Variants in CCNJL observed in about 807,000 individuals in gnomAD.
CCNJL encodes the protein cyclin-J-like protein.
Under a neutral mutation model 33.4 loss-of-function variants are expected in CCNJL, and 33 were observed. The observed-to-expected ratio is 0.99, with a 90% CI of 0.75 to 1.32. CCNJL has a LOEUF of 1.32. CCNJL is among the 40% of genes most tolerant of loss of function. The pLI, the probability that CCNJL is intolerant of heterozygous loss-of-function variation, is 0.00. For synonymous variants in CCNJL, 227 were observed against 220.9 expected (o/e 1.03, Z -0.24); for missense variants, 512 against 499.7 (o/e 1.02, Z -0.23).
chr5:160,304,845 C>T (rs958930412), intron 2 of CCNJL, among the ~76,000 whole-genome samples: 3 of 148,138 alleles, frequency 2.0e-5, no homozygotes, highest in East Asian at 2.0e-4. Flanking sequence ...GAGGAAATCT[C>T]GCTCTGTCAC....
chr5:160,287,470 G>C (rs958892179), intron 2 of CCNJL, among the ~76,000 whole-genome samples: 5 of 152,208 alleles, frequency 3.3e-5, no homozygotes, highest in Non-Finnish European at 5.9e-5. Flanking sequence ...CTTTGTCATG[G>C]AAATAACAAT....
At chr5:160,272,828 C>T (rs189763093) in intron 3 of CCNJL, among the ~76,000 whole-genome samples, 1 of 152,266 alleles carries the variant, frequency 6.6e-6, no homozygotes, top group Admixed American at 6.5e-5. Flanking sequence ...AACAATTCCA[C>T]CTCTGGGAAT....
chr5:160,330,873 G>A (rs181052750), intron 1 of CCNJL, among the ~76,000 whole-genome samples: 13 of 152,118 alleles, frequency 8.5e-5, no homozygotes, highest in Admixed American at 5.9e-4. Flanking sequence ...CATGTTGGCC[G>A]GGCTAGTCTC....
chr5:160,258,204 G>C (rs1428495142), intron 4 of CCNJL: 2 of 563,476 alleles, frequency 3.5e-6, no homozygotes, highest in South Asian at 1.8e-5. Context: ...TGGGATGGTT[G>C]TATCAACAGT....
At chr5:160,277,556 G>A (rs183787466) in intron 3 of CCNJL, among the ~76,000 whole-genome samples, 4 of 152,242 alleles carry the variant, frequency 2.6e-5, no homozygotes, top group Admixed American at 1.3e-4. Context: ...GGTAGGAGAC[G>A]CAAACAATGA....
chr5:160,292,765 A>T (rs1314380598), intron 2 of CCNJL, among the ~76,000 whole-genome samples: 1 of 152,166 alleles, frequency 6.6e-6, no homozygotes, highest in African/African-American at 2.4e-5. Context: ...CAGACACTGC[A>T]TTCCATGCAT....
At chr5:160,309,473 T>C (rs376141377) in intron 2 of CCNJL, among the ~76,000 whole-genome samples, 115 of 152,350 alleles carry the variant, frequency 7.5e-4, no homozygotes, top group African/African-American at 2.6e-3. Context: ...TCAGGCAACA[T>C]TCAACTAAGA....
chr5:160,256,109 G>A lies in CCNJL; in HGVS notation c.584-401C>T, dbSNP rs111811398. 8.2e-3 allele frequency among the ~76,000 whole-genome samples: 1,253 copies of A among 152,136 alleles called. 16 individuals are homozygous for A. Among genetic ancestry groups the A allele is most frequent in the African/African-American group, 0.028 (1,170 of 41,514 alleles). The stretch of plus-strand genomic sequence containing the variant: ...TCAGCATGTAATTCAGGCTGGTATC[G>A]AACTCCTGAGCTCAAGCAATCCTCC... On this transcript the variant is annotated intron_variant, in intron 4 of 5. Coordinates refer to ENST00000257536, the MANE Select transcript of CCNJL (RefSeq NM_001308173.3).
At position 160,253,407 on chromosome 5, in the gene CCNJL, T is replaced by A; in HGVS notation, c.1135A>T (p.Met379Leu). The A allele has an allele frequency of 1.3e-6, 2 of 1,595,394 alleles. No individual in the cohort carries two copies. Among genetic ancestry groups the A allele is most frequent in the East Asian group, 4.5e-5 (2 of 44,606 alleles). ...YGSSYFSGSH[M>L]FPTGCFDR ...CTGTCAAAGCAGCCGGTGGGGAACA[T>A]GTGGCTCCCACTGAAGTAGCTGCTT... Residue 379 changes from methionine (M) to leucine (L), a missense_variant, in exon 6 of 6, where the codon ATG becomes TTG. Transcript: ENST00000257536.
chr5:160,281,071 T>A lies in CCNJL; in HGVS notation c.67-333A>T, dbSNP rs1435249035. 8 of 377,748 alleles carry A rather than the reference T, an allele frequency of 2.1e-5. No homozygotes were observed. The Admixed American group carries it at 3.2e-4, about 15-fold the overall frequency. 23.4% of individuals were successfully genotyped at this position (377,748 alleles called of 1,614,324 possible). A position where few individuals can be genotyped will look rare whatever the true frequency, so the allele number is the denominator to read the frequency against. On this transcript the variant is annotated intron_variant, in intron 2 of 5. Coordinates refer to ENST00000257536, the MANE Select transcript of CCNJL (RefSeq NM_001308173.3). ...GAGGTCTAAGTCCAAATTCTTTTTT[T>A]TTCCCCTAGGGTCTGGTCTGAAGTA...
intron 3 of CCNJL, among the ~76,000 whole-genome samples, chr5:160,261,688 G>A (rs959102427): frequency 6.0e-5 from 9 of 150,216 alleles, no homozygotes; most frequent in South Asian, 2.1e-4. Flanking sequence ...ACCCCTCCCC[G>A]GGCTGGGAAT....
chr5:160,303,938 T>C (rs1763010692), intron 2 of CCNJL, among the ~76,000 whole-genome samples: 1 of 151,410 alleles, frequency 6.6e-6, no homozygotes, highest in African/African-American at 2.4e-5. Context: ...TCCACTCCCT[T>C]AGCACAGGCT....
At chr5:160,316,139 T>A (rs1581017351), upstream of CCNJL, among the ~76,000 whole-genome samples, 1 of 152,164 alleles carries the variant, frequency 6.6e-6, no homozygotes, top group South Asian at 2.1e-4. Context: ...AATAAACAGA[T>A]GGTTTTGTGC....
intron 1 of CCNJL, among the ~76,000 whole-genome samples, chr5:160,333,383 C>T (rs2113483577): frequency 6.6e-6 from 1 of 152,148 alleles, no homozygotes; most frequent in Non-Finnish European, 1.5e-5. Context: ...TTCAGCCTCC[C>T]AAAGTGCTGG....
chr5:160,286,499 A>G (rs56007047), intron 2 of CCNJL, among the ~76,000 whole-genome samples: 4,496 of 152,128 alleles, frequency 0.03, 192 homozygotes, highest in African/African-American at 0.1. Flanking sequence ...TTAGCTAGGC[A>G]TGGTGGTGCA....
At chr5:160,326,920 C>T (rs1301680687) in intron 1 of CCNJL, 13 of 653,016 alleles carry the variant, frequency 2.0e-5, no homozygotes, top group African/African-American at 3.6e-5. Context: ...ACGACCGAGT[C>T]GGATCATGCT....
intron 1 of CCNJL, among the ~76,000 whole-genome samples, chr5:160,321,418 G>A (rs533087532): frequency 2.7e-4 from 41 of 152,260 alleles, no homozygotes; most frequent in African/African-American, 9.4e-4. Flanking sequence ...GCAGCAGGGT[G>A]CTGCTTTCCT....
chr5:160,302,511 C>G (rs1437012329), intron 2 of CCNJL, among the ~76,000 whole-genome samples: 1 of 152,096 alleles, frequency 6.6e-6, no homozygotes, highest in East Asian at 1.9e-4. Flanking sequence ...TTATTAAAAT[C>G]TACACATTAA....
intron 1 of CCNJL, among the ~76,000 whole-genome samples, chr5:160,321,296 A>G (rs1167268178): frequency 6.6e-6 from 1 of 152,118 alleles, no homozygotes. Context: ...TGAGCCTGCC[A>G]GCCCTGCTCC....
Sources: allele counts gnomAD v4.1 joint callset (sites outside exome capture counted in the v4.1 genomes callset), GRCh38; gene constraint gnomAD v4.1.1; transcripts MANE v1.5; gene names NCBI Gene and HGNC (gene_info 2026-07-23, HGNC 2026-07-21).